The following NKAIN3 variants were observed in gnomAD, a reference collection of about 807,000 sequenced individuals.
The protein encoded by NKAIN3 is sodium/potassium-transporting ATPase subunit beta-1-interacting protein 3.
In NKAIN3, 25 loss-of-function variants were observed where a neutral mutation model predicts 30.2. The observed-to-expected ratio is 0.83, with a 90% CI of 0.60 to 1.16. NKAIN3 has a LOEUF of 1.16. Among genes scored for constraint, NKAIN3 ranks in the 50% most tolerant of loss-of-function variants. The pLI, the probability that NKAIN3 is intolerant of heterozygous loss-of-function variation, is 0.00. For missense variants in NKAIN3, 225 were observed against 254.1 expected (o/e 0.89, Z 0.78); for synonymous variants, 91 against 89.6 (o/e 1.02, Z -0.09).
chr8:62,249,059 G>C lies in NKAIN3; in HGVS notation c.-15G>C, dbSNP rs1354599700. 1 of 1,533,870 alleles carries C rather than the reference G, an allele frequency of 6.5e-7. No individual in the cohort carries two copies. Among genetic ancestry groups the C allele is most frequent in the Non-Finnish European group, 8.8e-7 (1 of 1,142,654 alleles). Reference sequence around the variant, plus strand: ...GATCTCTGGCAGTCAGCGCCGCTCGGACGCCGCCGGCACCATGGGCTGCTG... The same window carrying C: ...GATCTCTGGCAGTCAGCGCCGCTCGCACGCCGCCGGCACCATGGGCTGCTG... On this transcript the variant is annotated 5_prime_UTR_variant, in exon 1 of 7. Transcript: ENST00000623646.
chr8:62,309,197 A>T (rs571718662), intron 1 of NKAIN3, among the ~76,000 whole-genome samples: 1 of 150,894 alleles, frequency 6.6e-6, no homozygotes, highest in Admixed American at 6.6e-5. Flanking sequence ...TAATATTTGT[A>T]CACCTGTTAT....
chr8:62,864,037 C>G (rs1262308071), intron 4 of NKAIN3: 1 of 706,214 alleles, frequency 1.4e-6, no homozygotes, highest in Non-Finnish European at 2.6e-6. Flanking sequence ...TCTTTTCGGC[C>G]TCCGCTTTTG....
chr8:62,832,983 G>A (rs918665400), intron 4 of NKAIN3, among the ~76,000 whole-genome samples: 11 of 151,736 alleles, frequency 7.2e-5, no homozygotes, highest in African/African-American at 2.4e-4. Flanking sequence ...CTTAACATAC[G>A]AACCATTGTT....
chr8:62,260,644 G>T (rs1358085491), intron 1 of NKAIN3, among the ~76,000 whole-genome samples: 1 of 152,114 alleles, frequency 6.6e-6, no homozygotes, highest in East Asian at 1.9e-4. Context: ...TCTGGATGGT[G>T]AACGGCCGAT....
chr8:62,367,018 T>C, intron 1 of NKAIN3, among the ~76,000 whole-genome samples: 1 of 152,234 alleles, frequency 6.6e-6, no homozygotes, highest in East Asian at 1.9e-4. Context: ...CCTCCTGTTA[T>C]TGATTCTCAT....
chr8:62,916,763 C>T (rs1260738092), intron 4 of NKAIN3, among the ~76,000 whole-genome samples: 1 of 152,134 alleles, frequency 6.6e-6, no homozygotes, highest in Non-Finnish European at 1.5e-5. Context: ...TCTCACTGTT[C>T]CTCTGCGTTA....
In NKAIN3 at chr8:62,803,955, A is replaced by G. The variant is rs1427701907; in HGVS notation, c.471+56826A>G. On this transcript the variant is annotated intron_variant, in intron 4 of 6. Transcript: ENST00000623646. ...ATATCACCACTGATCCCACAGAAATACAAACTACCATGAGAGAATACTACA... is the reference window on the plus strand; with the variant it reads ...ATATCACCACTGATCCCACAGAAATGCAAACTACCATGAGAGAATACTACA... Among the ~76,000 whole-genome samples, 4 of 152,366 alleles carry G rather than the reference A, an allele frequency of 2.6e-5. No homozygotes were observed. The East Asian group carries it at 7.7e-4, about 29-fold the overall frequency.
chr8:62,906,003 C>T (rs1821760977), intron 4 of NKAIN3, among the ~76,000 whole-genome samples: 1 of 152,186 alleles, frequency 6.6e-6, no homozygotes, highest in Admixed American at 6.5e-5. Context: ...GTAACTTCTT[C>T]CCCATCTCAC....
In NKAIN3 at chr8:62,612,082, A is replaced by T. The variant is rs543192456; in HGVS notation, c.273+22288A>T. 2.2e-4 allele frequency among the ~76,000 whole-genome samples: 33 copies of T among 152,080 alleles called. No homozygotes were observed. The South Asian group carries it at 6.8e-3, about 32-fold the overall frequency. ...TTTCATAAGCCTGTTTGCCATTTGT[A>T]TGTCTTATTTGAGTAATGTCTATTC... On this transcript the variant is annotated intron_variant, in intron 3 of 6. Coordinates refer to ENST00000623646, the MANE Select transcript of NKAIN3 (RefSeq NM_001304533.3).
At chr8:62,434,430 G>A (rs1805107679) in intron 1 of NKAIN3, among the ~76,000 whole-genome samples, 1 of 152,140 alleles carries the variant, frequency 6.6e-6, no homozygotes, top group African/African-American at 2.4e-5. Flanking sequence ...AAGGTCCTGC[G>A]AGGCAGGAGG....
chr8:62,596,560 G>A (rs1427786782), intron 3 of NKAIN3, among the ~76,000 whole-genome samples: 1 of 152,034 alleles, frequency 6.6e-6, no homozygotes. Flanking sequence ...AGCATACTTA[G>A]AGTCTGTATA....
chr8:62,892,591 T>G (rs1821325482), intron 4 of NKAIN3, among the ~76,000 whole-genome samples: 1 of 152,182 alleles, frequency 6.6e-6, no homozygotes, highest in Admixed American at 6.6e-5. Context: ...GGCTTGTTAC[T>G]CTGGTTCAAT....
chr8:62,636,757 A>T (rs1214834663), intron 3 of NKAIN3, among the ~76,000 whole-genome samples: 1 of 152,224 alleles, frequency 6.6e-6, no homozygotes, highest in Non-Finnish European at 1.5e-5. Flanking sequence ...ACAACAAAAA[A>T]TCATGTCACT....
At chr8:62,409,601 T>A (rs1025909989) in intron 1 of NKAIN3, among the ~76,000 whole-genome samples, 1 of 152,112 alleles carries the variant, frequency 6.6e-6, no homozygotes, top group African/African-American at 2.4e-5. Flanking sequence ...GTTTTTCCAT[T>A]CCCCAAGATG....
intron 1 of NKAIN3, among the ~76,000 whole-genome samples, chr8:62,421,991 G>A (rs1464477043): frequency 2.0e-5 from 3 of 152,034 alleles, no homozygotes; most frequent in African/African-American, 4.8e-5. Context: ...CGGTGAACAG[G>A]AATCTGCATT....
intron 1 of NKAIN3, among the ~76,000 whole-genome samples, chr8:62,390,381 C>CT (rs993315747): frequency 2.0e-5 from 3 of 152,078 alleles, no homozygotes; most frequent in Admixed American, 6.6e-5. Flanking sequence ...TGAGCTTGTT[C>CT]TTTTTTTGGG....
At chr8:62,678,450 A>C (rs1246561792) in intron 3 of NKAIN3, among the ~76,000 whole-genome samples, 4 of 152,190 alleles carry the variant, frequency 2.6e-5, no homozygotes, top group African/African-American at 9.6e-5. Flanking sequence ...AATTCCACCC[A>C]ATACTGACAT....
chr8:62,533,267 T>C (rs2129850364), intron 1 of NKAIN3, among the ~76,000 whole-genome samples: 1 of 152,288 alleles, frequency 6.6e-6, no homozygotes, highest in African/African-American at 2.4e-5. Flanking sequence ...AGGGGACACA[T>C]GTAAAAAGAT....
rs1003874136 is a variant in NKAIN3, at chr8:62,972,092, C to T, written c.*6685C>T. ...CTATTTTATTTTGGTAGGGCCTTCT[C>T]TTCTGAATTGATTGGTAGTGTTGTT... On this transcript the variant is annotated 3_prime_UTR_variant, in exon 7 of 7. Coordinates refer to ENST00000623646, the MANE Select transcript of NKAIN3 (RefSeq NM_001304533.3). 3.1e-4 allele frequency among the ~76,000 whole-genome samples: 47 copies of T among 152,136 alleles called. No individual in the cohort carries two copies. Among genetic ancestry groups the T allele is most frequent in the African/African-American group, 1.1e-3 (47 of 41,430 alleles).
Sources: gnomAD v4.1 joint callset for allele counts (sites outside exome capture counted in the v4.1 genomes callset) on GRCh38, gnomAD v4.1.1 for gene constraint, MANE v1.5 for transcripts, NCBI Gene and HGNC (gene_info 2026-07-23, HGNC 2026-07-21) for gene names.